The following RGS6 variants were observed in gnomAD, a reference collection of about 807,000 sequenced individuals.
The protein encoded by RGS6 is regulator of G-protein signaling 6.
RGS6 carries 30 observed loss-of-function variants against 78.5 expected under a neutral mutation model. The observed-to-expected ratio is 0.38, with a 90% CI of 0.29 to 0.52. The LOEUF (loss-of-function observed/expected upper bound fraction) is 0.52. Ranked by LOEUF, RGS6 falls within the 20% of genes least tolerant of loss-of-function variation. The pLI is 0.85. For missense variants in RGS6, 495 were observed against 609.7 expected, an observed-to-expected ratio of 0.81 and a Z score of 1.98; for synonymous variants, 206 against 206.0, an observed-to-expected ratio of 1.00 and a Z score of 0.00.
At chr14:72,020,955 G>C (rs558020029) in intron 2 of RGS6, among the ~76,000 whole-genome samples, 76 of 152,248 alleles carry the variant, frequency 5.0e-4, no homozygotes, top group African/African-American at 1.8e-3. Flanking sequence ...GTCTGATAAG[G>C]GGGTATTTGA....
chr14:72,128,443 G>T (rs1366493184), intron 2 of RGS6, among the ~76,000 whole-genome samples: 1 of 152,064 alleles, frequency 6.6e-6, no homozygotes, highest in East Asian at 1.9e-4. Flanking sequence ...CAACCTGAAT[G>T]ACTGCTCAAT....
At chr14:72,089,952 C>T (rs1267701764) in intron 2 of RGS6, among the ~76,000 whole-genome samples, 1 of 152,046 alleles carries the variant, frequency 6.6e-6, no homozygotes, top group Non-Finnish European at 1.5e-5. Context: ...TTGGAAACAG[C>T]TTTATAGTAG....
rs191569006 is a variant in RGS6 at position 72,359,218 on chromosome 14, G to T, written c.184+7024G>T. On this transcript the variant is annotated intron_variant, in intron 3 of 17. Coordinates refer to ENST00000553525, the MANE Select transcript of RGS6 (RefSeq NM_001204424.2). ...TGTCTTTATTAGCAGCATGAGAACCGACTAATAGAGTAGAACAGATATTAT... is the reference window on the plus strand; with the variant it reads ...TGTCTTTATTAGCAGCATGAGAACCTACTAATAGAGTAGAACAGATATTAT... 1.6e-3 allele frequency among the ~76,000 whole-genome samples: 249 copies of T among 152,176 alleles called. 1 individual carries two copies. The highest frequency in any genetic ancestry group is 1.0e-3 in the Non-Finnish European group (68 of 68,034).
chr14:71,900,520 G>A, the RGS6 span, among the ~76,000 whole-genome samples: 81 of 152,082 alleles, frequency 5.3e-4, no homozygotes, highest in South Asian at 7.7e-3. Flanking sequence ...TTCAGAGCAG[G>A]GAATGACTGT....
At chr14:71,917,906 G>T in the RGS6 span, among the ~76,000 whole-genome samples, 1 of 152,060 alleles carries the variant, frequency 6.6e-6, no homozygotes, top group Non-Finnish European at 1.5e-5. Context: ...GGGCGCGGTG[G>T]CTCACGCCTG....
chr14:71,949,894 T>C (rs549520606), intron 1 of RGS6, among the ~76,000 whole-genome samples: 47 of 152,230 alleles, frequency 3.1e-4, no homozygotes, highest in African/African-American at 1.1e-3. Flanking sequence ...GTTTTACTTA[T>C]GGATATCCAA....
At chr14:72,165,581 A>G (rs1309224557) in intron 2 of RGS6, among the ~76,000 whole-genome samples, 1 of 152,224 alleles carries the variant, frequency 6.6e-6, no homozygotes, top group African/African-American at 2.4e-5. Flanking sequence ...AATACACTGC[A>G]TGGATTTTTA....
chr14:72,494,986 A>G (rs1005761344), intron 12 of RGS6, among the ~76,000 whole-genome samples, 166 bp from the exon 13 acceptor site: 1 of 152,272 alleles, frequency 6.6e-6, no homozygotes, highest in Non-Finnish European at 1.5e-5. Context: ...TAAGAAGGAA[A>G]TAAGGACAAA....
the RGS6 span, among the ~76,000 whole-genome samples, chr14:72,605,000 G>A: frequency 7.9e-5 from 12 of 152,186 alleles, no homozygotes; most frequent in African/African-American, 2.9e-4. Context: ...GAGGTGGGGA[G>A]CACCAGGTCT....
At chr14:71,976,666 G>C (rs2094148659) in intron 2 of RGS6, among the ~76,000 whole-genome samples, 1 of 152,104 alleles carries the variant, frequency 6.6e-6, no homozygotes. Flanking sequence ...TATCATTGTT[G>C]GACATTTGAG....
chr14:72,255,053 G>T (rs2056775863), intron 2 of RGS6, among the ~76,000 whole-genome samples: 1 of 152,220 alleles, frequency 6.6e-6, no homozygotes, highest in African/African-American at 2.4e-5. Flanking sequence ...AGCAGGCTGT[G>T]CTGGGCCACT....
intron 1 of RGS6, among the ~76,000 whole-genome samples, chr14:71,944,061 G>A (rs993747960): frequency 2.0e-5 from 3 of 152,100 alleles, no homozygotes; most frequent in Non-Finnish European, 4.4e-5. Flanking sequence ...TTGGGCTTTG[G>A]TCGGTTTGGC....
chr14:72,211,635 T>C (rs570814874), intron 2 of RGS6, among the ~76,000 whole-genome samples: 1 of 152,130 alleles, frequency 6.6e-6, no homozygotes, highest in East Asian at 1.9e-4. Context: ...TATAATAGAA[T>C]AGATAATGTT....
At chr14:72,426,338 G>T (rs1429651354) in intron 3 of RGS6, among the ~76,000 whole-genome samples, 1 of 152,152 alleles carries the variant, frequency 6.6e-6, no homozygotes, top group African/African-American at 2.4e-5. Context: ...CAAAGTCCAG[G>T]ATGCCACACA....
intron 2 of RGS6, among the ~76,000 whole-genome samples, chr14:72,194,263 C>CT (rs2039462841): frequency 6.6e-6 from 1 of 152,226 alleles, no homozygotes; most frequent in African/African-American, 2.4e-5. Context: ...TTGACACATA[C>CT]TTGTTGAATA....
the RGS6 span, among the ~76,000 whole-genome samples, chr14:71,874,074 A>G: frequency 2.0e-4 from 30 of 152,250 alleles, no homozygotes; most frequent in Admixed American, 1.5e-3. Flanking sequence ...GTCAGGTAGC[A>G]TGATGCCTCC....
the RGS6 span, among the ~76,000 whole-genome samples, chr14:71,922,929 C>T: frequency 6.6e-6 from 1 of 152,252 alleles, no homozygotes; most frequent in East Asian, 1.9e-4. Flanking sequence ...AATTCCATTT[C>T]AGAAAACCCA....
At chr14:72,434,127 GGAGTTTGA>G (rs142919122) in intron 3 of RGS6, among the ~76,000 whole-genome samples, 70 of 152,282 alleles carry the variant, frequency 4.6e-4, no homozygotes, top group African/African-American at 1.7e-3. Context: ...CTTGAGCCCA[GGAGTTTGA>G]GATCAGCCTG....
chr14:72,187,596 TGAA>T (rs2097264279), intron 2 of RGS6, among the ~76,000 whole-genome samples: 1 of 152,158 alleles, frequency 6.6e-6, no homozygotes, highest in African/African-American at 2.4e-5. Context: ...CAATCCAGCA[TGAA>T]GGAGGACACC....
Sources: allele counts gnomAD v4.1 joint callset (sites outside exome capture counted in the v4.1 genomes callset), GRCh38; gene constraint gnomAD v4.1.1; transcripts MANE v1.5; gene names NCBI Gene and HGNC (gene_info 2026-07-23, HGNC 2026-07-21).